AGBL1: variants seen among roughly 807,000 people sequenced by gnomAD.
AGBL1 encodes the protein AGBL carboxypeptidase 1.
In AGBL1, 130 loss-of-function variants were observed where a neutral mutation model predicts 118.9. The observed-to-expected ratio is 1.09, with a 90% CI of 0.95 to 1.26. AGBL1 has a LOEUF of 1.26. Among genes scored for constraint, AGBL1 ranks in the 50% most tolerant of loss-of-function variants. The pLI is 0.00. For missense variants in AGBL1, 1,584 were observed against 1,298.1 expected (o/e 1.22, Z -3.38); for synonymous variants, 555 against 478.9 (o/e 1.16, Z -2.08).
intron 18 of AGBL1, among the ~76,000 whole-genome samples, chr15:86,434,226 T>C (rs989354069): frequency 6.6e-6 from 1 of 152,242 alleles, no homozygotes; most frequent in Non-Finnish European, 1.5e-5. Flanking sequence ...CACAGAGTTT[T>C]ACGAGTCTCA....
intron 22 of AGBL1, among the ~76,000 whole-genome samples, chr15:86,870,494 A>AAAG (rs1567216618): frequency 9.1e-4 from 119 of 130,330 alleles, no homozygotes; most frequent in African/African-American, 2.7e-3. Flanking sequence ...AAAAAAAAAA[A>AAAG]AAGAAGAAAC....
At chr15:86,433,259 C>CTTTTTT (rs2081958756) in intron 18 of AGBL1, among the ~76,000 whole-genome samples, 1 of 98,562 alleles carries the variant, frequency 1.0e-5, no homozygotes, top group Non-Finnish European at 2.0e-5. Context: ...TCCTCCTCCT[C>CTTTTTT]CTTCTTCTTT....
intron 21 of AGBL1, among the ~76,000 whole-genome samples, chr15:86,611,468 A>G (rs760403747): frequency 1.3e-5 from 2 of 152,172 alleles, no homozygotes; most frequent in Admixed American, 6.5e-5. Context: ...AGAGTCATTC[A>G]GTTTTTCTGG....
rs116593228 is a variant in AGBL1, at chr15:86,550,502, T to C, written c.2818-3859T>C. Among the ~76,000 whole-genome samples the C allele has an allele frequency of 9.9e-3, 1,499 of 152,134 alleles. 22 individuals are homozygous for C. Among genetic ancestry groups the C allele is most frequent in the African/African-American group, 0.034 (1,401 of 41,528 alleles). ...ATATTGACATAAGACAAAATATACA[T>C]TAAAAGGAGAAATATTACTAGAGCT... On this transcript the variant is annotated intron_variant, in intron 20 of 22. Coordinates refer to ENST00000614907, the MANE Select transcript of AGBL1 (RefSeq NM_001386094.1).
chr15:87,006,011 T>G (rs190185983), intron 24 of AGBL1, among the ~76,000 whole-genome samples: 2 of 152,318 alleles, frequency 1.3e-5, no homozygotes, highest in African/African-American at 4.8e-5. Context: ...GAACAGCAAA[T>G]ATTGCTGAAC....
At chr15:86,154,084 A>G (rs2077154729) in intron 3 of AGBL1, among the ~76,000 whole-genome samples, 1 of 152,186 alleles carries the variant, frequency 6.6e-6, no homozygotes, top group Non-Finnish European at 1.5e-5. Flanking sequence ...TAAGAATTAT[A>G]TTAATATTAA....
intron 19 of AGBL1, among the ~76,000 whole-genome samples, chr15:86,525,445 G>C (rs908266452): frequency 6.6e-6 from 1 of 151,830 alleles, no homozygotes; most frequent in African/African-American, 2.4e-5. Context: ...TTAGCAAAAA[G>C]AATAATCTGA....
intron 18 of AGBL1, among the ~76,000 whole-genome samples, chr15:86,461,356 C>A (rs2082332932): frequency 6.6e-6 from 1 of 152,148 alleles, no homozygotes; most frequent in African/African-American, 2.4e-5. Flanking sequence ...ATATTGCTCA[C>A]CCAAACTCTC....
chr15:86,174,738 C>T (rs1468488923), intron 5 of AGBL1, among the ~76,000 whole-genome samples: 6 of 152,072 alleles, frequency 3.9e-5, no homozygotes, highest in Admixed American at 2.6e-4. Context: ...GCCTTTTCTA[C>T]ATCTTTTGGG....
At chr15:86,901,916 CA>C (rs1472095273) in intron 22 of AGBL1, among the ~76,000 whole-genome samples, 1 of 152,008 alleles carries the variant, frequency 6.6e-6, no homozygotes, top group Admixed American at 6.6e-5. Flanking sequence ...GTTCAAACAG[CA>C]AAACTATTAA....
At chr15:86,776,768 G>A (rs1041465256) in intron 22 of AGBL1, among the ~76,000 whole-genome samples, 5 of 150,598 alleles carry the variant, frequency 3.3e-5, no homozygotes, top group African/African-American at 4.9e-5. Context: ...GTGTGTGTGT[G>A]TGTGTGTGTG....
chr15:86,671,568 C>A (rs576066640), intron 21 of AGBL1, among the ~76,000 whole-genome samples: 25 of 152,216 alleles, frequency 1.6e-4, no homozygotes, highest in African/African-American at 5.8e-4. Flanking sequence ...GATAACTGAC[C>A]AAAGTGGAGG....
At chr15:86,181,356 T>C (rs1646375065) in intron 5 of AGBL1, among the ~76,000 whole-genome samples, 2 of 152,090 alleles carry the variant, frequency 1.3e-5, no homozygotes, top group South Asian at 4.1e-4. Context: ...TATTGATATA[T>C]GCTGCAACAT....
chr15:86,719,929 C>G (rs1465321481), intron 22 of AGBL1, among the ~76,000 whole-genome samples: 1 of 152,212 alleles, frequency 6.6e-6, no homozygotes, highest in Non-Finnish European at 1.5e-5. Flanking sequence ...TCCAGCCTCT[C>G]TGGCCACGGA....
At chr15:86,980,885 C>CTTTTTTTTTTTTTTTTTTTT (rs36077192) in intron 23 of AGBL1, among the ~76,000 whole-genome samples, 1 of 118,986 alleles carries the variant, frequency 8.4e-6, no homozygotes. Context: ...CAGAAACATC[C>CTTTTTTTTTTTTTTTTTTTT]TTTTTTTTTT....
chr15:86,646,610 C>T (rs1057108645), intron 21 of AGBL1, among the ~76,000 whole-genome samples: 5 of 151,994 alleles, frequency 3.3e-5, no homozygotes, highest in African/African-American at 1.2e-4. Flanking sequence ...ATTGAGTATA[C>T]TTGAACAATA....
chr15:86,920,552 A>T (rs374919148), downstream of AGBL1, among the ~76,000 whole-genome samples: 9 of 152,280 alleles, frequency 5.9e-5, no homozygotes, highest in East Asian at 5.8e-4. Flanking sequence ...CATTGGGTTT[A>T]TTTTTATAAT....
At chr15:86,296,946 C>T (rs1169964670) in intron 17 of AGBL1, 1 of 152,042 alleles carries the variant, frequency 6.6e-6, no homozygotes, top group Non-Finnish European at 1.5e-5. Context: ...GAAGTGCCTC[C>T]GTTTTTGCAT....
intron 22 of AGBL1, among the ~76,000 whole-genome samples, chr15:86,705,385 A>T (rs1341782243): frequency 6.6e-6 from 1 of 152,130 alleles, no homozygotes. Context: ...ATGGACTAAA[A>T]CATATTCCAT....
Sources: gnomAD v4.1 joint callset for allele counts (sites outside exome capture counted in the v4.1 genomes callset) on GRCh38, gnomAD v4.1.1 for gene constraint, MANE v1.5 for transcripts, NCBI Gene and HGNC (gene_info 2026-07-23, HGNC 2026-07-21) for gene names.